SLC44A5: variants seen among roughly 807,000 people sequenced by gnomAD.
The protein encoded by SLC44A5 is solute carrier family 44 member 5.
A neutral mutation model predicts 101.8 loss-of-function variants in SLC44A5; 57 were observed. The observed-to-expected ratio is 0.56, with a 90% CI of 0.45 to 0.70. The LOEUF (loss-of-function observed/expected upper bound fraction) is 0.70. Ranked by LOEUF, SLC44A5 falls within the 30% of genes least tolerant of loss-of-function variation. The pLI is 0.00. For synonymous variants in SLC44A5, 281 were observed against 290.9 expected, an observed-to-expected ratio of 0.97 and a Z score of 0.35; for missense variants, 737 against 853.1, an observed-to-expected ratio of 0.86 and a Z score of 1.70.
chr1:75,620,655 T>C, the SLC44A5 span, among the ~76,000 whole-genome samples: 1 of 152,236 alleles, frequency 6.6e-6, no homozygotes, highest in Admixed American at 6.5e-5. Context: ...TTCATATCCT[T>C]TGCCCACTTT....
chr1:75,705,448 A>T, the SLC44A5 span, among the ~76,000 whole-genome samples: 1 of 152,170 alleles, frequency 6.6e-6, no homozygotes, highest in Admixed American at 6.6e-5. Flanking sequence ...TTGATAGTTT[A>T]TTCAGGTTTA....
At chr1:75,224,995 G>A (rs1029003371) in intron 13 of SLC44A5, among the ~76,000 whole-genome samples, 84 of 152,194 alleles carry the variant, frequency 5.5e-4, no homozygotes, top group African/African-American at 2.0e-3. Flanking sequence ...TAAATTTATT[G>A]TAGCCTACAT....
At chr1:75,682,740 C>A in the SLC44A5 span, among the ~76,000 whole-genome samples, 11 of 151,450 alleles carry the variant, frequency 7.3e-5, no homozygotes, top group South Asian at 2.1e-4. Flanking sequence ...GCAACAAAAG[C>A]CAAAATTGAC....
intron 2 of SLC44A5, among the ~76,000 whole-genome samples, chr1:75,439,714 A>G (rs1665089693): frequency 6.6e-6 from 1 of 152,182 alleles, no homozygotes; most frequent in Non-Finnish European, 1.5e-5. Context: ...GAGTAGATTT[A>G]AAAGATCTAA....
chr1:75,260,487 T>C (rs1485733308), intron 6 of SLC44A5, among the ~76,000 whole-genome samples: 1 of 152,060 alleles, frequency 6.6e-6, no homozygotes, highest in Non-Finnish European at 1.5e-5. Context: ...ATCCTAAATA[T>C]ATATGCACCC....
At position 75,513,431 on chromosome 1, in the gene SLC44A5, C is replaced by T. The variant is rs566705358; in HGVS notation, c.13+28004G>A. Reference sequence around the variant, plus strand: ...AGTGCAGCTTTGTCCATAGCTTTACCAATTGGTACTAGATAATTGGATGGA... The same window carrying T: ...AGTGCAGCTTTGTCCATAGCTTTACTAATTGGTACTAGATAATTGGATGGA... On this transcript the variant is annotated intron_variant, in intron 2 of 23. Coordinates refer to ENST00000370859, the MANE Select transcript of SLC44A5 (RefSeq NM_001130058.2). 5.3e-5 allele frequency among the ~76,000 whole-genome samples: 8 copies of T among 152,188 alleles called. No homozygotes were observed. The South Asian group carries it at 1.7e-3, about 32-fold the overall frequency.
chr1:75,349,203 G>T (rs765317071), intron 3 of SLC44A5, among the ~76,000 whole-genome samples: 1 of 152,176 alleles, frequency 6.6e-6, no homozygotes, highest in Admixed American at 6.6e-5. Context: ...AGCCAGTGTG[G>T]CAGTGCACAC....
chr1:75,389,137 C>T (rs964424510), intron 3 of SLC44A5, among the ~76,000 whole-genome samples: 2 of 151,920 alleles, frequency 1.3e-5, no homozygotes, highest in Non-Finnish European at 2.9e-5. Context: ...ACATATTTGC[C>T]CTAAATATAT....
At chr1:75,301,110 AG>A (rs541118669) in intron 4 of SLC44A5, among the ~76,000 whole-genome samples, 24 of 152,254 alleles carry the variant, frequency 1.6e-4, no homozygotes, top group Admixed American at 2.6e-4. Context: ...TACACATTAT[AG>A]GGGTACTATT....
chr1:75,488,330 T>A (rs1470737779), intron 2 of SLC44A5, among the ~76,000 whole-genome samples: 2 of 152,172 alleles, frequency 1.3e-5, no homozygotes, highest in Non-Finnish European at 2.9e-5. Context: ...GCCCATTGCT[T>A]CTAGGTAAAC....
At chr1:75,444,480 A>G (rs1665414928) in intron 2 of SLC44A5, among the ~76,000 whole-genome samples, 1 of 129,112 alleles carries the variant, frequency 7.7e-6, no homozygotes, top group African/African-American at 2.9e-5. Context: ...AAAGAGAAAG[A>G]AAGAAGAAAG....
At chr1:75,210,619 T>G (rs1301526382) in intron 23 of SLC44A5, among the ~76,000 whole-genome samples, 3 of 152,172 alleles carry the variant, frequency 2.0e-5, no homozygotes, top group Non-Finnish European at 4.4e-5. Flanking sequence ...CCTCAAAGAA[T>G]TCCACATATC....
intron 3 of SLC44A5, among the ~76,000 whole-genome samples, chr1:75,369,552 T>C (rs1012139202): frequency 2.0e-5 from 3 of 152,184 alleles, no homozygotes; most frequent in East Asian, 1.9e-4. Context: ...AATGTCATGA[T>C]AGAAATTTCA....
chr1:75,223,400 T>G (rs1186667795), intron 13 of SLC44A5, among the ~76,000 whole-genome samples: 1 of 152,180 alleles, frequency 6.6e-6, no homozygotes, highest in Non-Finnish European at 1.5e-5. Context: ...ATTTCCTCAT[T>G]TCTAAGACAT....
At chr1:75,608,175 A>AAAAAC (rs968022143) in intron 1 of SLC44A5, among the ~76,000 whole-genome samples, 7 of 151,076 alleles carry the variant, frequency 4.6e-5, no homozygotes, top group Non-Finnish European at 1.0e-4. Flanking sequence ...AGTCAATAGC[A>AAAAAC]AAAACAAAAC....
chr1:75,575,924 G>T (rs1336531328), intron 1 of SLC44A5, among the ~76,000 whole-genome samples: 1 of 152,136 alleles, frequency 6.6e-6, no homozygotes, highest in East Asian at 1.9e-4. Flanking sequence ...AACCAGGAAT[G>T]GCAAGAACTT....
intron 4 of SLC44A5, among the ~76,000 whole-genome samples, chr1:75,327,574 C>T (rs985500219): frequency 2.0e-5 from 3 of 152,028 alleles, no homozygotes; most frequent in Admixed American, 6.6e-5. Flanking sequence ...GTGATGGCTT[C>T]GATTACCAAA....
chr1:75,481,943 T>A (rs1012783328), intron 2 of SLC44A5, among the ~76,000 whole-genome samples: 3 of 152,146 alleles, frequency 2.0e-5, no homozygotes, highest in African/African-American at 7.2e-5. Flanking sequence ...GGACTATAAA[T>A]CATGCTGCTG....
At chr1:75,701,894 ACTC>A in the SLC44A5 span, among the ~76,000 whole-genome samples, 1 of 152,276 alleles carries the variant, frequency 6.6e-6, no homozygotes, top group East Asian at 1.9e-4. Context: ...TCATGAGTGA[ACTC>A]CCATTCACAA....
Sources: allele counts gnomAD v4.1 joint callset (sites outside exome capture counted in the v4.1 genomes callset), GRCh38; gene constraint gnomAD v4.1.1; transcripts MANE v1.5; gene names NCBI Gene and HGNC (gene_info 2026-07-23, HGNC 2026-07-21).